Variants in SMC1B observed in about 807,000 individuals in gnomAD.
SMC1B encodes the protein structural maintenance of chromosomes protein 1B.
In SMC1B, 60 loss-of-function variants were observed where a neutral mutation model predicts 157.9. The ratio of observed to expected loss-of-function variants is 0.38; its 90% CI spans 0.31 to 0.47. The LOEUF (loss-of-function observed/expected upper bound fraction) is 0.47, where lower values mean the gene tolerates loss of function less well. Ranked by LOEUF, SMC1B falls within the 20% of genes least tolerant of loss-of-function variation. SMC1B has a pLI of 0.99. For synonymous variants in SMC1B, 445 were observed against 483.0 expected, an observed-to-expected ratio of 0.92 and a Z score of 1.03; for missense variants, 1,165 against 1,426.2, an observed-to-expected ratio of 0.82 and a Z score of 2.95.
chr22:45,400,247 G>T (rs569295904), intron 5 of SMC1B, among the ~76,000 whole-genome samples: 1 of 152,134 alleles, frequency 6.6e-6, no homozygotes, highest in South Asian at 2.1e-4. Context: ...GGAGAGCCTG[G>T]GGCAGGCTCA....
intron 23 of SMC1B, among the ~76,000 whole-genome samples, chr22:45,346,443 C>T (rs1486298161): frequency 4.6e-5 from 7 of 152,088 alleles, no homozygotes; most frequent in Non-Finnish European, 8.8e-5. Context: ...CGGTGATAAA[C>T]CCCAAGAAGA....
chr22:45,359,520 CAGGGAA>C (rs1303541303), intron 18 of SMC1B, among the ~76,000 whole-genome samples: 1 of 152,220 alleles, frequency 6.6e-6, no homozygotes, highest in Non-Finnish European at 1.5e-5. Context: ...TATGAGAGTG[CAGGGAA>C]CCGCTGCATA....
chr22:45,363,745 C>A (rs2086744587), intron 15 of SMC1B, among the ~76,000 whole-genome samples: 1 of 152,064 alleles, frequency 6.6e-6, no homozygotes, highest in African/African-American at 2.4e-5. Context: ...GAATCAGTAT[C>A]CACACATTGC....
At chr22:45,394,512 G>A (rs942571043) in intron 8 of SMC1B, among the ~76,000 whole-genome samples, 173 bp downstream of exon 8, 2 of 152,054 alleles carry the variant, frequency 1.3e-5, no homozygotes, top group Non-Finnish European at 2.9e-5. Flanking sequence ...GTGGTGGCAT[G>A]TGCCTGTAGT....
intron 15 of SMC1B, among the ~76,000 whole-genome samples, chr22:45,367,071 GT>G (rs2146787627): frequency 1.3e-5 from 2 of 152,240 alleles, no homozygotes; most frequent in African/African-American, 4.8e-5. Context: ...TCTATTTTAA[GT>G]TCTTGATCAG....
At chr22:45,352,339 T>C in intron 22 of SMC1B, 112 bp downstream of exon 22, 1 of 970,884 alleles carries the variant, frequency 1.0e-6, no homozygotes, top group South Asian at 3.1e-5. Context: ...GAAGATAGTT[T>C]TGTATCTCAT....
In SMC1B at chr22:45,359,816, T is replaced by C. The variant is rs1186920389; in HGVS notation, c.2851A>G (p.Ile951Val). Residue 951 changes from isoleucine (I) to valine (V), a missense_variant, in exon 18 of 25, where the codon ATT becomes GTT. Transcript: ENST00000357450. ...ATTTGCTAGAATACCTCCACTTCAA[T>C]GATGTCATCCAGTGACCCCGACAAA... ...ILLSGSLDDIIEVEMGTEAES... is the reference protein window; with the variant it reads ...ILLSGSLDDIVEVEMGTEAES... The C allele has an allele frequency of 2.5e-6, 4 of 1,612,872 alleles. No homozygotes were observed. The highest frequency in any genetic ancestry group is 3.4e-6 in the Non-Finnish European group (4 of 1,179,412).
chr22:45,408,773 T>A lies in SMC1B; in HGVS notation c.235A>T (p.Ser79Cys). The change falls in exon 2 of 25, where the codon AGT (serine) becomes TGT (cysteine). Residue 79 changes from serine (S) to cysteine (C), a missense_variant. Ser to Cys is a moderately radical substitution (Grantham distance 112). Coordinates refer to ENST00000357450, the MANE Select transcript of SMC1B (RefSeq NM_148674.5). ...TCCTCCACATATATAATTTTTACAC[T>A]TGCAGAAGAAGAAATAGGTTTTCCA... ...HIGKPISSSASVKIIYVEESG... is the reference protein window; with the variant it reads ...HIGKPISSSACVKIIYVEESG... 6.3e-7 allele frequency: 1 copy of A among 1,599,860 alleles called. No homozygotes were observed. Among genetic ancestry groups the A allele is most frequent in the Non-Finnish European group, 8.5e-7 (1 of 1,175,054 alleles).
At chr22:45,358,883 T>C in intron 18 of SMC1B, 88 bp from the exon 19 acceptor site, 2 of 784,834 alleles carry the variant, frequency 2.5e-6, no homozygotes, top group Non-Finnish European at 4.3e-6. Flanking sequence ...ACAATTACAA[T>C]AGTAACATCA....
Position 45,344,342 on chromosome 22 carries a change from T to G in SMC1B, c.*214A>C. The G allele has an allele frequency of 2.8e-6, 1 of 362,486 alleles. No individual in the cohort carries two copies. The highest frequency in any genetic ancestry group is 1.1e-4 in the South Asian group (1 of 9,410). The allele number at this position is 362,486 out of a possible 1,614,324, so 22.5% of individuals were successfully genotyped here. A position where few individuals can be genotyped will look rare whatever the true frequency, so the allele number is the denominator to read the frequency against. ...TTTGTTTGTTTTTTAAAAACTCATT[T>G]GACACCAGCTCTCACTGAAAACTTT... On this transcript the variant is annotated 3_prime_UTR_variant, in exon 25 of 25. Transcript: ENST00000357450.
chr22:45,396,509 T>C, intron 6 of SMC1B, 23 bp from the exon 7 acceptor site: 1 of 1,592,620 alleles, frequency 6.3e-7, no homozygotes, highest in Non-Finnish European at 8.5e-7. Flanking sequence ...TATTGAAAAA[T>C]TGCTAATTCA....
At chr22:45,398,377 A>C (rs146927185) in intron 6 of SMC1B, among the ~76,000 whole-genome samples, 1,611 of 152,296 alleles carry the variant, frequency 0.011, 12 homozygotes, top group Non-Finnish European at 0.017. Flanking sequence ...CTGGGGGCTG[A>C]GTGAGCAGTC....
intron 10 of SMC1B, 112 bp downstream of exon 10, chr22:45,389,600 G>T: frequency 1.2e-6 from 1 of 842,340 alleles, no homozygotes; most frequent in Non-Finnish European, 1.8e-6. Context: ...TGCCTAACTG[G>T]CATCCAAGCT....
chr22:45,377,167 T>C (rs2086891030), intron 12 of SMC1B, among the ~76,000 whole-genome samples: 1 of 152,232 alleles, frequency 6.6e-6, no homozygotes, highest in Non-Finnish European at 1.5e-5. Context: ...GTTATTTGCA[T>C]GTAGGATTCT....
chr22:45,350,861 T>A (rs2086608683), intron 22 of SMC1B, among the ~76,000 whole-genome samples: 1 of 152,156 alleles, frequency 6.6e-6, no homozygotes. Context: ...CCAGTCACCA[T>A]CGCCGTCTTT....
At chr22:45,387,647 A>G (rs1454496300) in intron 10 of SMC1B, among the ~76,000 whole-genome samples, 2 of 152,246 alleles carry the variant, frequency 1.3e-5, no homozygotes, top group Admixed American at 6.5e-5. Flanking sequence ...GAAGTGTTCC[A>G]CAAAACACTT....
chr22:45,387,302 T>C (rs1434320816), intron 10 of SMC1B, among the ~76,000 whole-genome samples: 1 of 151,644 alleles, frequency 6.6e-6, no homozygotes, highest in Non-Finnish European at 1.5e-5. Flanking sequence ...ACAGAAAAAT[T>C]AGCCAGGCAT....
Position 45,355,250 on chromosome 22 carries a change from A to G in SMC1B, c.2962-135T>C, listed in dbSNP as rs919282952. Reference sequence around the variant, plus strand: ...CCTTCTCTCCCCAAAGCCCTCTCTGAGCCTGGAGGTGCAGTCCTGCTGCAA... The same window carrying G: ...CCTTCTCTCCCCAAAGCCCTCTCTGGGCCTGGAGGTGCAGTCCTGCTGCAA... On this transcript the variant is annotated intron_variant, in intron 19 of 24. Coordinates refer to ENST00000357450, the MANE Select transcript of SMC1B (RefSeq NM_148674.5). 18 of 793,792 alleles carry G rather than the reference A, an allele frequency of 2.3e-5. No homozygotes were observed. In the African/African-American group the frequency reaches 2.7e-4, roughly 12 times the overall value. The allele number at this position is 793,792 out of a possible 1,614,324, so 49.2% of individuals were successfully genotyped here.
At chr22:45,362,697 C>T (rs2086733425) in intron 16 of SMC1B, among the ~76,000 whole-genome samples, 188 bp downstream of exon 16, 1 of 152,178 alleles carries the variant, frequency 6.6e-6, no homozygotes. Flanking sequence ...TGTGACATCC[C>T]CTTGCCCTTC....
Sources: gnomAD v4.1 joint callset for allele counts (sites outside exome capture counted in the v4.1 genomes callset) on GRCh38, gnomAD v4.1.1 for gene constraint, MANE v1.5 for transcripts, NCBI Gene and HGNC (gene_info 2026-07-23, HGNC 2026-07-21) for gene names.